PEAK1: variants seen among roughly 807,000 people sequenced by gnomAD.
The protein encoded by PEAK1 is pseudopodium enriched atypical kinase 1, also known as inactive tyrosine-protein kinase PEAK1.
PEAK1 carries 54 observed loss-of-function variants against 124.7 expected under a neutral mutation model. That is an observed-to-expected ratio of 0.43 (90% CI 0.35 to 0.54). The LOEUF (loss-of-function observed/expected upper bound fraction) is 0.54, where lower values mean the gene tolerates loss of function less well. PEAK1 is among the 20% of genes least tolerant of loss of function. The probability of loss-of-function intolerance (pLI) is 0.01; values close to 1 mark genes in which losing one functional copy is unlikely to be tolerated. For missense variants in PEAK1, 2,046 were observed against 2,134.5 expected (o/e 0.96, Z 0.82); for synonymous variants, 719 against 760.0 (o/e 0.95, Z 0.89).
chr15:77,253,589 A>G (rs1010844506), intron 5 of PEAK1, among the ~76,000 whole-genome samples: 1 of 152,174 alleles, frequency 6.6e-6, no homozygotes, highest in Non-Finnish European at 1.5e-5. Context: ...AGTTTTTAAA[A>G]TGTGAAATTG....
chr15:77,366,701 G>C (rs989314541), intron 1 of PEAK1, among the ~76,000 whole-genome samples: 1 of 152,070 alleles, frequency 6.6e-6, no homozygotes, highest in Non-Finnish European at 1.5e-5. Context: ...GACTACACAG[G>C]TGCCCACCAC....
At position 77,181,513 on chromosome 15, in the gene PEAK1, A is replaced by T. The variant is rs1368166281; in HGVS notation, c.414T>A (p.Ser138Arg). ...TATTGTTATCTGACATCTTCTTTGCACTATCATTATTGCCATAAGGCTTAG... is the reference window on the plus strand; with the variant it reads ...TATTGTTATCTGACATCTTCTTTGCTCTATCATTATTGCCATAAGGCTTAG... ...HVPKPYGNND[S>R]AKKMSDNNNG... Residue 138 changes from serine to arginine, a missense_variant, in exon 7 of 10, where the codon AGT (serine) becomes AGA (arginine). Transcript: ENST00000682557. 3.7e-6 allele frequency: 6 copies of T among 1,613,952 alleles called. No individual in the cohort carries two copies. Among genetic ancestry groups the T allele is most frequent in the African/African-American group, 2.7e-5 (2 of 74,892 alleles).
intron 2 of PEAK1, among the ~76,000 whole-genome samples, chr15:77,289,659 A>G (rs1042104023): frequency 1.1e-4 from 16 of 152,166 alleles, no homozygotes; most frequent in African/African-American, 3.9e-4. Context: ...AACATGGTGA[A>G]ATCCCATCTC....
At chr15:77,233,108 G>A (rs1245834542) in intron 6 of PEAK1, among the ~76,000 whole-genome samples, 1 of 152,140 alleles carries the variant, frequency 6.6e-6, no homozygotes, top group Non-Finnish European at 1.5e-5. Flanking sequence ...GTGTATGAAT[G>A]TGCCATAATC....
chr15:77,379,490 C>G (rs1305925109), intron 1 of PEAK1, among the ~76,000 whole-genome samples: 1 of 152,116 alleles, frequency 6.6e-6, no homozygotes, highest in East Asian at 1.9e-4. Context: ...ATTCTATACC[C>G]TCTGGGAAGA....
chr15:77,145,467 T>C (rs2054111927), intron 8 of PEAK1, among the ~76,000 whole-genome samples: 1 of 152,024 alleles, frequency 6.6e-6, no homozygotes, highest in Admixed American at 6.6e-5. Context: ...AAAAATGTCT[T>C]CAGACTGACG....
chr15:77,232,946 A>G (rs778278566), intron 6 of PEAK1, among the ~76,000 whole-genome samples: 1 of 151,978 alleles, frequency 6.6e-6, no homozygotes, highest in Non-Finnish European at 1.5e-5. Context: ...GGGGTTTTAC[A>G]TTGTTGGCCA....
intron 9 of PEAK1, among the ~76,000 whole-genome samples, chr15:77,118,528 C>G (rs968048886): frequency 6.6e-5 from 10 of 152,124 alleles, no homozygotes; most frequent in Admixed American, 5.2e-4. Flanking sequence ...AGGGTTCTTC[C>G]TGTCAAATTT....
intron 8 of PEAK1, chr15:77,156,825 A>AGTAAG (rs1049065323): frequency 2.8e-4 from 42 of 152,360 alleles, no homozygotes; most frequent in African/African-American, 9.9e-4. Flanking sequence ...GAGGGTATAC[A>AGTAAG]GTAAGTAAAC....
chr15:77,147,037 T>A (rs984075173), intron 8 of PEAK1, among the ~76,000 whole-genome samples: 3 of 152,208 alleles, frequency 2.0e-5, no homozygotes, highest in African/African-American at 7.2e-5. Flanking sequence ...CTAAAGGAGA[T>A]GCTCAAAGTA....
chr15:77,382,214 C>T (rs1479143925), intron 1 of PEAK1, among the ~76,000 whole-genome samples: 1 of 152,140 alleles, frequency 6.6e-6, no homozygotes, highest in Non-Finnish European at 1.5e-5. Flanking sequence ...TCAGGGATTC[C>T]CTGCCACCAT....
intron 5 of PEAK1, among the ~76,000 whole-genome samples, chr15:77,257,689 C>T (rs2061227943): frequency 2.0e-5 from 3 of 151,764 alleles, no homozygotes; most frequent in African/African-American, 7.3e-5. Flanking sequence ...CCTGTTCACT[C>T]TGATGGTAGT....
intron 6 of PEAK1, among the ~76,000 whole-genome samples, chr15:77,222,454 G>A (rs750693331): frequency 6.6e-6 from 1 of 151,932 alleles, no homozygotes; most frequent in Admixed American, 6.6e-5. Context: ...TTATCCCAAT[G>A]ATCTTATGCA....
intron 7 of PEAK1, among the ~76,000 whole-genome samples, chr15:77,163,722 T>G (rs1055636865): frequency 1.3e-5 from 2 of 152,206 alleles, no homozygotes; most frequent in African/African-American, 2.4e-5. Flanking sequence ...GATGAGACAA[T>G]AAGTAAAATC....
chr15:77,170,161 G>T (rs1317398822), intron 7 of PEAK1, among the ~76,000 whole-genome samples: 1 of 152,058 alleles, frequency 6.6e-6, no homozygotes, highest in Non-Finnish European at 1.5e-5. Context: ...AGTGAATAGA[G>T]GCAGAGACAG....
chr15:77,148,719 C>T (rs1468926739), intron 8 of PEAK1, among the ~76,000 whole-genome samples: 1 of 151,526 alleles, frequency 6.6e-6, no homozygotes, highest in Admixed American at 6.6e-5. Context: ...GAGTTTGAGA[C>T]TAGCCTGGGC....
chr15:77,197,799 C>G (rs1452110134), intron 6 of PEAK1, among the ~76,000 whole-genome samples: 1 of 151,914 alleles, frequency 6.6e-6, no homozygotes, highest in African/African-American at 2.4e-5. Context: ...TACAGTTGAC[C>G]CTTGAACAAC....
At chr15:77,226,709 A>G (rs186660114) in intron 6 of PEAK1, among the ~76,000 whole-genome samples, 10 of 152,270 alleles carry the variant, frequency 6.6e-5, no homozygotes, top group Middle Eastern at 3.4e-3. Context: ...CTCACTCTTC[A>G]TAAGTCAAGA....
chr15:77,390,473 A>C (rs1208469009), intron 1 of PEAK1, among the ~76,000 whole-genome samples: 1 of 152,232 alleles, frequency 6.6e-6, no homozygotes, highest in Non-Finnish European at 1.5e-5. Flanking sequence ...GTTATGTGCT[A>C]TCATATGCTC....
Sources: allele counts gnomAD v4.1 joint callset (sites outside exome capture counted in the v4.1 genomes callset), GRCh38; gene constraint gnomAD v4.1.1; transcripts MANE v1.5; gene names NCBI Gene and HGNC (gene_info 2026-07-23, HGNC 2026-07-21).